The following EFL1 variants were observed in gnomAD, a reference collection of about 807,000 sequenced individuals.
The protein encoded by EFL1 is elongation factor like GTPase 1.
In EFL1, 76 loss-of-function variants were observed where a neutral mutation model predicts 126.7. That is an observed-to-expected ratio of 0.60 (90% CI 0.50 to 0.73). EFL1 has a LOEUF of 0.73. EFL1 is among the 30% of genes least tolerant of loss of function. The pLI is 0.00. For missense variants in EFL1, 1,128 were observed against 1,343.2 expected (o/e 0.84, Z 2.50); for synonymous variants, 410 against 448.4 (o/e 0.91, Z 1.08).
rs190516933 is a variant in EFL1 at position 82,201,353 on chromosome 15, A to T, written c.1750+13364T>A. The stretch of plus-strand genomic sequence containing the variant: ...GAAGGTAAAAGCTCTGTGCTCATCT[A>T]CAAAGGAGAGGGGGACTTTCTTCCC... On this transcript the variant is annotated intron_variant, in intron 15 of 19. Coordinates refer to ENST00000268206, the MANE Select transcript of EFL1 (RefSeq NM_024580.6). 4.8e-3 allele frequency among the ~76,000 whole-genome samples: 726 copies of T among 152,290 alleles called. 11 individuals are homozygous for T. Among genetic ancestry groups the T allele is most frequent in the African/African-American group, 0.017 (698 of 41,566 alleles).
intron 18 of EFL1, among the ~76,000 whole-genome samples, chr15:82,146,233 T>C (rs1310260478): frequency 2.0e-5 from 3 of 152,188 alleles, no homozygotes; most frequent in African/African-American, 4.8e-5. Context: ...TAATAATCTA[T>C]GTAGAAAAAA....
chr15:82,172,444 C>A (rs16973451), intron 15 of EFL1, among the ~76,000 whole-genome samples: 2 of 151,816 alleles, frequency 1.3e-5, no homozygotes, highest in African/African-American at 4.8e-5. Context: ...CTGATTGGGG[C>A]CTACTACTGG....
At chr15:82,259,838 A>C (rs1252149844) in intron 2 of EFL1, among the ~76,000 whole-genome samples, 1 of 152,202 alleles carries the variant, frequency 6.6e-6, no homozygotes, top group African/African-American at 2.4e-5. Context: ...GAACTTCAGC[A>C]AAGCTATGGA....
At chr15:82,260,827 C>T (rs1322699828) in intron 2 of EFL1, among the ~76,000 whole-genome samples, 3 of 152,200 alleles carry the variant, frequency 2.0e-5, no homozygotes, top group African/African-American at 7.2e-5. Flanking sequence ...TGCTTCTTCA[C>T]CTCGCCAACT....
chr15:82,209,316 G>GACACAGAC (rs377447819), intron 15 of EFL1, among the ~76,000 whole-genome samples: 378 of 146,332 alleles, frequency 2.6e-3, no homozygotes, highest in Admixed American at 4.4e-3. Context: ...CACAGACACA[G>GACACAGAC]ACACACACAC....
chr15:82,136,289 C>T (rs1400467006), intron 19 of EFL1, among the ~76,000 whole-genome samples: 2 of 152,154 alleles, frequency 1.3e-5, no homozygotes, highest in Admixed American at 6.5e-5. Context: ...GATTACTTAA[C>T]CTACATCCTC....
At chr15:82,149,216 TAAG>T (rs1423180926) in intron 18 of EFL1, among the ~76,000 whole-genome samples, 1 of 152,044 alleles carries the variant, frequency 6.6e-6, no homozygotes, top group Non-Finnish European at 1.5e-5. Context: ...TTATATAACT[TAAG>T]AAAAAAATTA....
intron 15 of EFL1, among the ~76,000 whole-genome samples, chr15:82,200,174 G>T (rs1018232441): frequency 2.6e-5 from 4 of 152,172 alleles, no homozygotes; most frequent in African/African-American, 9.7e-5. Flanking sequence ...CATTACCTGG[G>T]TCATGCCCTA....
chr15:82,191,980 C>T (rs970930924), intron 15 of EFL1, among the ~76,000 whole-genome samples: 3 of 151,948 alleles, frequency 2.0e-5, no homozygotes, highest in Non-Finnish European at 2.9e-5. Flanking sequence ...ATAATATCTG[C>T]TATTATATCT....
At chr15:82,176,018 T>G (rs2074191277) in intron 15 of EFL1, among the ~76,000 whole-genome samples, 1 of 152,184 alleles carries the variant, frequency 6.6e-6, no homozygotes, top group Admixed American at 6.5e-5. Flanking sequence ...ACTATAATTT[T>G]TGAATTAAAG....
chr15:82,237,854 G>A (rs1247411142), intron 7 of EFL1, among the ~76,000 whole-genome samples: 1 of 151,936 alleles, frequency 6.6e-6, no homozygotes, highest in Non-Finnish European at 1.5e-5. Flanking sequence ...CAGTATTAAT[G>A]CATGCAATAA....
intron 15 of EFL1, among the ~76,000 whole-genome samples, chr15:82,189,766 T>C (rs1029952410): frequency 6.6e-5 from 10 of 152,140 alleles, no homozygotes; most frequent in African/African-American, 2.4e-4. Flanking sequence ...AGTATATACA[T>C]TTATTTATAT....
chr15:82,143,554 G>A (rs1198336832), intron 18 of EFL1, among the ~76,000 whole-genome samples: 3 of 152,212 alleles, frequency 2.0e-5, no homozygotes, highest in Non-Finnish European at 4.4e-5. Flanking sequence ...CTATAAGACT[G>A]CTGAATCAGG....
At chr15:82,197,449 C>T (rs1327805799) in intron 15 of EFL1, among the ~76,000 whole-genome samples, 9 of 152,204 alleles carry the variant, frequency 5.9e-5, no homozygotes, top group Admixed American at 5.2e-4. Flanking sequence ...CAATTATGTG[C>T]TGAACTGCTA....
At chr15:82,171,099 C>T (rs1004201903) in intron 15 of EFL1, among the ~76,000 whole-genome samples, 2 of 152,124 alleles carry the variant, frequency 1.3e-5, no homozygotes, top group Non-Finnish European at 2.9e-5. Context: ...AATCAGGAAA[C>T]AGAGTCACTT....
chr15:82,176,742 T>C (rs1477680348), intron 15 of EFL1, among the ~76,000 whole-genome samples: 1 of 152,196 alleles, frequency 6.6e-6, no homozygotes, highest in Non-Finnish European at 1.5e-5. Context: ...TTGACTAAGC[T>C]TGAGCATATG....
At chr15:82,175,287 T>A (rs2074182935) in intron 15 of EFL1, among the ~76,000 whole-genome samples, 1 of 152,136 alleles carries the variant, frequency 6.6e-6, no homozygotes, top group Non-Finnish European at 1.5e-5. Context: ...AGTAACAATA[T>A]TAGGCAAAAG....
At chr15:82,231,010 G>C in intron 7 of EFL1, 39 bp from the exon 8 acceptor site, 3 of 1,598,112 alleles carry the variant, frequency 1.9e-6, no homozygotes, top group Non-Finnish European at 2.6e-6. Flanking sequence ...TAATAACAAC[G>C]ATTATTGATT....
In EFL1 at chr15:82,238,488, T is replaced by A; in HGVS notation, c.550A>T (p.Lys184Ter). 1 of 1,613,710 alleles carries A rather than the reference T, an allele frequency of 6.2e-7. No individual in the cohort carries two copies. The highest frequency in any genetic ancestry group is 8.5e-7 in the Non-Finnish European group (1 of 1,179,860). The change falls in exon 7 of 20, where the codon AAA (lysine) becomes TAA (stop). Residue 184 changes from lysine (K) to a stop codon, truncating the protein, a stop_gained. Coordinates refer to ENST00000268206, the MANE Select transcript of EFL1 (RefSeq NM_024580.6). LOFTEE classifies it high-confidence loss of function. ...NALTGTLFTS[K>*]VLEERAERET... is the part of the protein sequence containing the mutation. The stretch of plus-strand genomic sequence containing the variant: ...CTCTCTGCTCTTTCTTCTAGGACTT[T>A]AGAAGTAAAAAGAGTCCCTGTGAGC...
Sources: gnomAD v4.1 joint callset for allele counts (sites outside exome capture counted in the v4.1 genomes callset) on GRCh38, gnomAD v4.1.1 for gene constraint, MANE v1.5 for transcripts, NCBI Gene and HGNC (gene_info 2026-07-23, HGNC 2026-07-21) for gene names.